Variants in CCDC60 observed in about 807,000 individuals in gnomAD.
CCDC60 encodes coiled-coil domain-containing protein 60.
A neutral mutation model predicts 63.5 loss-of-function variants in CCDC60; 54 were observed. The observed-to-expected ratio is 0.85, with a 90% CI of 0.68 to 1.07. The LOEUF is 1.07. Among genes scored for constraint, CCDC60 ranks in the 50% least tolerant of loss-of-function variants. The pLI is 0.00. For missense variants in CCDC60, 651 were observed against 684.3 expected (o/e 0.95, Z 0.54); for synonymous variants, 206 against 238.8 (o/e 0.86, Z 1.27).
At chr12:119,412,143 T>C (rs11064785) in intron 1 of CCDC60, among the ~76,000 whole-genome samples, 11,267 of 152,224 alleles carry the variant, frequency 0.074, 544 homozygotes, top group Middle Eastern at 0.16. Context: ...TATCCCAGCA[T>C]CTCTGGTGTC....
At position 119,489,673 on chromosome 12, in the gene CCDC60, G is replaced by T. The variant is rs141453508; in HGVS notation, c.557+807G>T. On this transcript the variant is annotated intron_variant, in intron 5 of 13. Transcript: ENST00000327554. ...CAAAAGTAAAGAACCCTGACTTGAA[G>T]AATCAGTTTTTCACTGTGAAAATCA... is the stretch of plus-strand genomic sequence containing the variant. 3.1e-3 allele frequency among the ~76,000 whole-genome samples: 468 copies of T among 152,268 alleles called. 2 individuals carry two copies. Among genetic ancestry groups the T allele is most frequent in the South Asian group, 8.5e-3 (41 of 4,810 alleles).
chr12:119,487,206 CTCAAG>C (rs1379499406), intron 4 of CCDC60, among the ~76,000 whole-genome samples: 2 of 152,134 alleles, frequency 1.3e-5, no homozygotes, highest in Non-Finnish European at 2.9e-5. Flanking sequence ...GCAGTGTGAC[CTCAAG>C]TCACTCATTG....
Position 119,522,837 on chromosome 12 carries a change from T to C in CCDC60, c.1041-102T>C, listed in dbSNP as rs573487175. The stretch of plus-strand genomic sequence containing the variant: ...GTGCCTTGATTAGAACCACCTCCCA[T>C]GCCTGAATCCTGGAAGCTAGCAGGT... On this transcript the variant is annotated intron_variant, in intron 9 of 13. Coordinates refer to ENST00000327554, the MANE Select transcript of CCDC60 (RefSeq NM_178499.5). 6.9e-5 allele frequency: 69 copies of C among 994,066 alleles called. 1 individual carries two copies. The African/African-American group carries it at 9.5e-4, about 14-fold the overall frequency. 61.6% of individuals were successfully genotyped at this position (994,066 alleles called of 1,614,324 possible).
At chr12:119,504,953 C>T in intron 6 of CCDC60, 116 bp from the exon 7 acceptor site, 1 of 690,176 alleles carries the variant, frequency 1.4e-6, no homozygotes, top group Non-Finnish European at 2.4e-6. Flanking sequence ...ACAGTCAGAC[C>T]CAGGCTTTGC....
chr12:119,420,250 G>A lies in CCDC60; in HGVS notation c.91-8433G>A, dbSNP rs1263051905. On this transcript the variant is annotated intron_variant, in intron 1 of 13. Coordinates refer to ENST00000327554, the MANE Select transcript of CCDC60 (RefSeq NM_178499.5). The surrounding 1 kb of genome is among the most constrained non-coding windows in gnomAD (Gnocchi z 4.1). ...GTGTGGATGAGGTCACTAATTCTGG[G>A]TATCTCTATGTGGGTAGGTACACAT... Among the ~76,000 whole-genome samples the A allele has an allele frequency of 6.6e-6, 1 of 151,850 alleles. No individual in the cohort carries two copies. Among genetic ancestry groups the A allele is most frequent in the Non-Finnish European group, 1.5e-5 (1 of 67,980 alleles).
chr12:119,471,133 C>A (rs1327972139), intron 2 of CCDC60, among the ~76,000 whole-genome samples: 1 of 152,186 alleles, frequency 6.6e-6, no homozygotes, highest in African/African-American at 2.4e-5. Context: ...TGAAGACTGG[C>A]AAAGCGCAGG....
At chr12:119,380,470 G>A (rs866632688) in intron 1 of CCDC60, among the ~76,000 whole-genome samples, 7 of 152,186 alleles carry the variant, frequency 4.6e-5, no homozygotes, top group South Asian at 4.1e-4. Context: ...AGAACCTGAC[G>A]TCGTAATATC....
In CCDC60 at chr12:119,347,960, C is replaced by T. The variant is rs532914544; in HGVS notation, c.90+12694C>T. Among the ~76,000 whole-genome samples, 9 of 152,220 alleles carry T rather than the reference C, an allele frequency of 5.9e-5. No homozygotes were observed. In the South Asian group the frequency reaches 6.2e-4, roughly 11 times the overall value. ...TAAATACTGACATTTCCAGAGATGA[C>T]GATTCTTATGCTGATCATTTTTATG... On this transcript the variant is annotated intron_variant, in intron 1 of 13. Coordinates refer to ENST00000327554, the MANE Select transcript of CCDC60 (RefSeq NM_178499.5).
chr12:119,446,255 G>A (rs553259949), intron 2 of CCDC60, among the ~76,000 whole-genome samples: 8 of 152,226 alleles, frequency 5.3e-5, no homozygotes, highest in African/African-American at 1.9e-4. Context: ...TCCTTGCTCT[G>A]AGACAGCTCA....
rs149561177 is a variant in CCDC60, at chr12:119,339,926, G to A, written c.90+4660G>A. 6.9e-3 allele frequency among the ~76,000 whole-genome samples: 1,052 copies of A among 152,136 alleles called. 17 individuals are homozygous for A. The highest frequency in any genetic ancestry group is 0.022 in the African/African-American group (931 of 41,492). On this transcript the variant is annotated intron_variant, in intron 1 of 13. Coordinates refer to ENST00000327554, the MANE Select transcript of CCDC60 (RefSeq NM_178499.5). ...CAACCAATAAAAGAGTAGATTCTTC[G>A]GCAAACTCTGTGGGTTCGAACCCCA...
chr12:119,348,396 G>A (rs1465461666), intron 1 of CCDC60, among the ~76,000 whole-genome samples: 9 of 152,110 alleles, frequency 5.9e-5, no homozygotes, highest in African/African-American at 2.2e-4. Flanking sequence ...TGTTCCTTGT[G>A]TTCTATGGTT....
At chr12:119,386,771 A>G (rs1010467056) in intron 1 of CCDC60, among the ~76,000 whole-genome samples, 1 of 152,340 alleles carries the variant, frequency 6.6e-6, no homozygotes, top group South Asian at 2.1e-4. Flanking sequence ...TGTAGGAGAC[A>G]ACTGGAAGGC....
intron 2 of CCDC60, among the ~76,000 whole-genome samples, chr12:119,445,227 A>G (rs762704446): frequency 2.6e-5 from 4 of 151,944 alleles, no homozygotes; most frequent in Non-Finnish European, 5.9e-5. Context: ...TGAGTCCAGG[A>G]GTTTGAGACC....
At chr12:119,476,149 A>C (rs1002989419) in intron 3 of CCDC60, among the ~76,000 whole-genome samples, 4 of 151,614 alleles carry the variant, frequency 2.6e-5, no homozygotes, top group Non-Finnish European at 5.9e-5. Context: ...CTATGCAGGG[A>C]AAAAAAAATC....
chr12:119,399,248 C>A (rs964363189), intron 1 of CCDC60, among the ~76,000 whole-genome samples: 1 of 152,138 alleles, frequency 6.6e-6, no homozygotes, highest in African/African-American at 2.4e-5. Context: ...CTGGGGTCAC[C>A]CTCTTAGTTC....
At chr12:119,374,934 G>A (rs1371980221) in intron 1 of CCDC60, among the ~76,000 whole-genome samples, 1 of 152,104 alleles carries the variant, frequency 6.6e-6, no homozygotes, top group Non-Finnish European at 1.5e-5. Flanking sequence ...ACGACTAGAG[G>A]TTACTGTCAT....
rs189432472 is a variant in CCDC60, at chr12:119,533,487, T to C, written c.1551+2424T>C. 1.1e-4 allele frequency among the ~76,000 whole-genome samples: 17 copies of C among 152,314 alleles called. No homozygotes were observed. The East Asian group carries it at 2.9e-3, about 26-fold the overall frequency. On this transcript the variant is annotated intron_variant, in intron 13 of 13. Transcript: ENST00000327554. ...CTTTTGGTGTTTTAGTCATGAAGTC[T>C]TTGCCCATGCCTATGTCCTGAATGG...
rs1258640103 is a variant in CCDC60 at position 119,386,857 on chromosome 12, G to A, written c.91-41826G>A. Among the ~76,000 whole-genome samples, 9 of 152,126 alleles carry A rather than the reference G, an allele frequency of 5.9e-5. 1 individual carries two copies. The highest frequency in any genetic ancestry group is 5.9e-4 in the Admixed American group (9 of 15,274). Reference sequence around the variant, plus strand: ...GCGAGGAAGCCTCTCTCCTTTGGAAGGTCAAATTCTTATGGTTCCAAGTGA... The same window carrying A: ...GCGAGGAAGCCTCTCTCCTTTGGAAAGTCAAATTCTTATGGTTCCAAGTGA... On this transcript the variant is annotated intron_variant, in intron 1 of 13. Transcript: ENST00000327554.
intron 1 of CCDC60, among the ~76,000 whole-genome samples, chr12:119,364,815 G>T (rs1955824615): frequency 6.6e-6 from 1 of 152,194 alleles, no homozygotes; most frequent in African/African-American, 2.4e-5. Context: ...GCAAGCACAG[G>T]CTGTCACAGG....
Sources: gnomAD v4.1 joint callset for allele counts (sites outside exome capture counted in the v4.1 genomes callset) on GRCh38, gnomAD v4.1.1 for gene constraint, Gnocchi (gnomAD v3.1) non-coding constraint, MANE v1.5 for transcripts, NCBI Gene and HGNC (gene_info 2026-07-23, HGNC 2026-07-21) for gene names.